TBL1XR1: variants seen among roughly 807,000 people sequenced by gnomAD.
TBL1XR1 encodes F-box-like/WD repeat-containing protein TBL1XR1.
TBL1XR1 carries 5 observed loss-of-function variants against 66.9 expected under a neutral mutation model. The observed-to-expected ratio is 0.07, with a 90% CI of 0.04 to 0.16. The LOEUF (loss-of-function observed/expected upper bound fraction) is 0.16. Ranked by LOEUF, TBL1XR1 falls within the 10% of genes least tolerant of loss-of-function variation. TBL1XR1 has a pLI of 1.00. For missense variants in TBL1XR1, 238 were observed against 623.2 expected (o/e 0.38, Z 6.58); for synonymous variants, 210 against 206.0 (o/e 1.02, Z -0.17).
At chr3:177,060,040 A>G (rs1172866118) in intron 3 of TBL1XR1, among the ~76,000 whole-genome samples, 1 of 152,172 alleles carries the variant, frequency 6.6e-6, no homozygotes, top group Non-Finnish European at 1.5e-5. Context: ...GCCTTTGGCC[A>G]CAGATGGAAA....
intron 2 of TBL1XR1, among the ~76,000 whole-genome samples, chr3:177,093,629 A>G (rs1467373973): frequency 6.6e-6 from 1 of 152,244 alleles, no homozygotes; most frequent in African/African-American, 2.4e-5. Context: ...ATAGGCACAT[A>G]GGCCAATGGA....
At chr3:177,028,505 AT>A (rs1392150404) in intron 14 of TBL1XR1, among the ~76,000 whole-genome samples, 4 of 152,204 alleles carry the variant, frequency 2.6e-5, no homozygotes, top group Non-Finnish European at 4.4e-5. Flanking sequence ...AAAGGAATGT[AT>A]TTTTTAAAAG....
intron 1 of TBL1XR1, among the ~76,000 whole-genome samples, chr3:177,126,393 T>C (rs1727637224): frequency 1.3e-5 from 2 of 152,236 alleles, no homozygotes; most frequent in Non-Finnish European, 2.9e-5. Flanking sequence ...AATCCAATCA[T>C]TTGTTAAACA....
intron 3 of TBL1XR1, among the ~76,000 whole-genome samples, chr3:177,064,058 G>A (rs1363674512): frequency 1.3e-5 from 2 of 152,122 alleles, no homozygotes; most frequent in Non-Finnish European, 2.9e-5. Flanking sequence ...TATTCTACAA[G>A]CTTAGACCTC....
chr3:177,180,218 G>A lies in TBL1XR1; in HGVS notation c.-122+16903C>T, dbSNP rs566127759. Among the ~76,000 whole-genome samples, 186 of 135,542 alleles carry A rather than the reference G, an allele frequency of 1.4e-3. 2 individuals are homozygous for A. Among genetic ancestry groups the A allele is most frequent in the African/African-American group, 4.3e-3 (152 of 35,308 alleles). The allele number at this position is 135,542 out of a possible 152,430, so 88.9% of individuals were successfully genotyped here. A position where few individuals can be genotyped will look rare whatever the true frequency, so the allele number is the denominator to read the frequency against. Reference sequence around the variant, plus strand: ...TGTCACTGCACTCCAGCCTGGTGACGGAGCAAGACTCCGTCTCAAAAAAAA... The same window carrying A: ...TGTCACTGCACTCCAGCCTGGTGACAGAGCAAGACTCCGTCTCAAAAAAAA... On this transcript the variant is annotated intron_variant, in intron 1 of 15. Transcript: ENST00000457928.
At chr3:177,195,870 A>AT (rs1736785514) in intron 1 of TBL1XR1, among the ~76,000 whole-genome samples, 1 of 152,256 alleles carries the variant, frequency 6.6e-6, no homozygotes, top group African/African-American at 2.4e-5. Flanking sequence ...TGTAAATCAC[A>AT]TAGGTACTAA....
At chr3:177,168,564 G>A (rs532384140) in intron 1 of TBL1XR1, among the ~76,000 whole-genome samples, 1 of 152,176 alleles carries the variant, frequency 6.6e-6, no homozygotes, top group Admixed American at 6.5e-5. Flanking sequence ...TTACAGGGGT[G>A]AGCTACCACG....
intron 1 of TBL1XR1, chr3:177,160,894 G>A (rs1281736725): frequency 6.6e-6 from 1 of 151,762 alleles, no homozygotes; most frequent in Non-Finnish European, 1.5e-5. Flanking sequence ...TCCTTGGGAG[G>A]CTGAGATGCG....
chr3:177,193,683 T>TAATC, intron 1 of TBL1XR1, among the ~76,000 whole-genome samples: 1 of 151,986 alleles, frequency 6.6e-6, no homozygotes, highest in East Asian at 1.9e-4. Context: ...TTTACCCATG[T>TAATC]AATCACTCGA....
chr3:177,151,103 A>G (rs1159942337), intron 1 of TBL1XR1, among the ~76,000 whole-genome samples: 2 of 152,232 alleles, frequency 1.3e-5, no homozygotes, highest in East Asian at 1.9e-4. Flanking sequence ...TTTTATAGAT[A>G]GCACCGCTGT....
At chr3:177,155,081 G>A (rs1731332814) in intron 1 of TBL1XR1, among the ~76,000 whole-genome samples, 1 of 152,102 alleles carries the variant, frequency 6.6e-6, no homozygotes, top group African/African-American at 2.4e-5. Flanking sequence ...GAAAAGAGAA[G>A]AGCGTACCAA....
At position 177,112,107 on chromosome 3, in the gene TBL1XR1, AT is replaced by A. The variant is rs71170852; in HGVS notation, c.-121-13567del. 7.5e-3 allele frequency among the ~76,000 whole-genome samples: 281 copies of A among 37,520 alleles called. 8 individuals carry two copies. Among genetic ancestry groups the A allele is most frequent in the African/African-American group, 0.014 (106 of 7,802 alleles). The allele number at this position is 37,520 out of a possible 152,430, so 24.6% of individuals were successfully genotyped here. On this transcript the variant is annotated intron_variant, in intron 1 of 15. Transcript: ENST00000457928. ...TATATATATATATATATATATATAT[AT>A]TTTTTTTTTTTTTTTTTGTGAGGGG...
At chr3:177,075,196 A>G (rs1474373784) in intron 2 of TBL1XR1, among the ~76,000 whole-genome samples, 1 of 152,226 alleles carries the variant, frequency 6.6e-6, no homozygotes, top group African/African-American at 2.4e-5. Context: ...CAGCTTCGGT[A>G]GCACCCGGCA....
intron 1 of TBL1XR1, among the ~76,000 whole-genome samples, chr3:177,158,708 TATG>T (rs1313337627): frequency 6.6e-6 from 1 of 152,174 alleles, no homozygotes; most frequent in East Asian, 1.9e-4. Context: ...TGCATATAGA[TATG>T]ATTAGAAAAT....
intron 1 of TBL1XR1, among the ~76,000 whole-genome samples, chr3:177,162,899 G>C (rs1199493663): frequency 6.6e-6 from 1 of 152,168 alleles, no homozygotes; most frequent in Non-Finnish European, 1.5e-5. Context: ...AAAACATTTG[G>C]TAACACTATG....
upstream of TBL1XR1, among the ~76,000 whole-genome samples, chr3:177,198,909 ACTC>A (rs1372757835): frequency 5.6e-5 from 8 of 141,930 alleles, no homozygotes; most frequent in South Asian, 1.4e-3. Context: ...CACACACACT[ACTC>A]GTAACTTGCA....
intron 2 of TBL1XR1, among the ~76,000 whole-genome samples, chr3:177,084,434 T>G (rs1721874203): frequency 6.6e-6 from 1 of 152,256 alleles, no homozygotes; most frequent in Admixed American, 6.5e-5. Flanking sequence ...TGAAGACTAA[T>G]TCAGTCAGCA....
intron 3 of TBL1XR1, among the ~76,000 whole-genome samples, chr3:177,063,506 AAAG>A (rs902054437): frequency 3.0e-4 from 46 of 152,360 alleles, no homozygotes; most frequent in African/African-American, 1.0e-3. Context: ...TTAAAAGCAG[AAAG>A]AAGAGTTTGC....
At chr3:177,125,857 C>G (rs2108770300) in intron 1 of TBL1XR1, among the ~76,000 whole-genome samples, 1 of 152,246 alleles carries the variant, frequency 6.6e-6, no homozygotes, top group Non-Finnish European at 1.5e-5. Flanking sequence ...TAAGGAATGA[C>G]TTTTAATCAA....
Sources: allele counts gnomAD v4.1 joint callset (sites outside exome capture counted in the v4.1 genomes callset), GRCh38; gene constraint gnomAD v4.1.1; transcripts MANE v1.5; gene names NCBI Gene and HGNC (gene_info 2026-07-23, HGNC 2026-07-21).